Variants in DOCK10 observed in about 807,000 individuals in gnomAD.
DOCK10 encodes the protein dedicator of cytokinesis 10, also known as dedicator of cytokinesis protein 10.
DOCK10 carries 145 observed loss-of-function variants against 280.1 expected under a neutral mutation model. The ratio of observed to expected loss-of-function variants is 0.52; its 90% CI spans 0.45 to 0.59. The LOEUF (loss-of-function observed/expected upper bound fraction) is 0.59, where lower values mean the gene tolerates loss of function less well. Among genes scored for constraint, DOCK10 ranks in the 20% least tolerant of loss-of-function variants. DOCK10 has a pLI of 0.00. For missense variants in DOCK10, 2,368 were observed against 2,651.7 expected, an observed-to-expected ratio of 0.89 and a Z score of 2.35; for synonymous variants, 915 against 942.2, an observed-to-expected ratio of 0.97 and a Z score of 0.53.
intron 1 of DOCK10, among the ~76,000 whole-genome samples, chr2:224,952,979 C>A (rs991210916): frequency 6.6e-6 from 1 of 152,208 alleles, no homozygotes; most frequent in Non-Finnish European, 1.5e-5. Flanking sequence ...TGAATCTAAG[C>A]AACCGGGGGG....
Position 224,789,179 on chromosome 2 carries a change from G to A in DOCK10, c.5312-9C>T. On this transcript the variant is annotated splice_polypyrimidine_tract_variant and intron_variant, in intron 47 of 55. Coordinates refer to ENST00000258390, the MANE Select transcript of DOCK10 (RefSeq NM_014689.3). ...TCCCATAGAGAACATGCCTTGGGAG[G>A]ACCAAGCAGAATAAAACATTATTAT... 1 of 1,571,964 alleles carries A rather than the reference G, an allele frequency of 6.4e-7. No individual in the cohort carries two copies. The highest frequency in any genetic ancestry group is 1.1e-5 in the South Asian group (1 of 89,562).
intron 2 of DOCK10, among the ~76,000 whole-genome samples, chr2:224,921,102 A>ATATATATATAT (rs1559767369): frequency 1.7e-4 from 7 of 41,246 alleles, no homozygotes; most frequent in African/African-American, 9.4e-4. Flanking sequence ...TAAAAAAAAA[A>ATATATATATAT]AAAAAAAAAA....
intron 16 of DOCK10, among the ~76,000 whole-genome samples, chr2:224,854,385 A>G (rs1181334321): frequency 6.6e-6 from 1 of 152,016 alleles, no homozygotes; most frequent in African/African-American, 2.4e-5. Flanking sequence ...ACTTTTGACC[A>G]TATTCTGAAA....
intron 1 of DOCK10, among the ~76,000 whole-genome samples, chr2:224,950,852 T>A (rs1390149709): frequency 6.6e-6 from 1 of 152,212 alleles, no homozygotes; most frequent in Non-Finnish European, 1.5e-5. Context: ...TTGAAGTTCC[T>A]TTACATATGG....
intron 2 of DOCK10, among the ~76,000 whole-genome samples, chr2:224,929,689 C>T (rs10170675): frequency 1.7e-4 from 26 of 152,176 alleles, no homozygotes; most frequent in Admixed American, 4.6e-4. Context: ...TTGTCTGTTA[C>T]GCTGCCAAGA....
chr2:224,921,109 A>ATATATATATATATATATATATATATATAT (rs1559767727), intron 2 of DOCK10, among the ~76,000 whole-genome samples: 1 of 79,742 alleles, frequency 1.3e-5, no homozygotes, highest in African/African-American at 6.2e-5. Flanking sequence ...AAAAAAAAAA[A>ATATATATATATATATATATATATATATAT]AAAATATATA....
At position 224,830,592 on chromosome 2, in the gene DOCK10, T is replaced by TG. The variant is rs1340290697; in HGVS notation, c.2984dup (p.Ile996AsnfsTer12). On this transcript the variant is annotated frameshift_variant, in exon 27 of 56. Coordinates refer to ENST00000258390, the MANE Select transcript of DOCK10 (RefSeq NM_014689.3). LOFTEE classifies it high-confidence loss of function. Reference sequence around the variant, plus strand: ...GCTGTGCCATCGATTTTAGGATAATTGCAAAGAAGAACCAGGAATGCTGTT... The same window carrying TG: ...GCTGTGCCATCGATTTTAGGATAATTGGCAAAGAAGAACCAGGAATGCTGTT... 1.3e-6 allele frequency: 2 copies of TG among 1,535,652 alleles called. No homozygotes were observed. Among genetic ancestry groups the TG allele is most frequent in the Non-Finnish European group, 8.8e-7 (1 of 1,134,090 alleles).
Position 224,981,972 on chromosome 2 carries a change from G to T in DOCK10, c.124-50304C>A, listed in dbSNP as rs188458166. 7.6e-4 allele frequency among the ~76,000 whole-genome samples: 116 copies of T among 152,296 alleles called. 1 individual carries two copies. Among genetic ancestry groups the T allele is most frequent in the Non-Finnish European group, 1.4e-3 (95 of 68,018 alleles). ...AACATGCAAACCATGAGGCAGAAGAGAATTTCTGGTAGACCGAGAAGCTGT... is the reference window on the plus strand; with the variant it reads ...AACATGCAAACCATGAGGCAGAAGATAATTTCTGGTAGACCGAGAAGCTGT... On this transcript the variant is annotated intron_variant, in intron 1 of 55. Transcript: ENST00000258390.
At chr2:224,867,235 T>C (rs1036284059) in intron 11 of DOCK10, among the ~76,000 whole-genome samples, 2 of 152,232 alleles carry the variant, frequency 1.3e-5, no homozygotes, top group Admixed American at 6.5e-5. Context: ...TATTGGTAAG[T>C]AGGTCCTCCA....
At chr2:224,907,813 C>T (rs369829890) in intron 3 of DOCK10, among the ~76,000 whole-genome samples, 6 of 152,084 alleles carry the variant, frequency 3.9e-5, no homozygotes, top group African/African-American at 7.2e-5. Flanking sequence ...ATGCACATGC[C>T]GGTTCACCCA....
intron 1 of DOCK10, among the ~76,000 whole-genome samples, chr2:225,025,578 A>G (rs1291783663): frequency 6.6e-6 from 1 of 152,212 alleles, no homozygotes; most frequent in Non-Finnish European, 1.5e-5. Flanking sequence ...CTAGAATGCA[A>G]TTTTCCTCAC....
intron 1 of DOCK10, among the ~76,000 whole-genome samples, chr2:225,038,980 A>G (rs993676795): frequency 5.3e-5 from 8 of 152,202 alleles, no homozygotes; most frequent in African/African-American, 1.4e-4. Flanking sequence ...CTTTTTTTAA[A>G]AAGTCTTTTC....
intron 39 of DOCK10, 50 bp from the exon 40 acceptor site, chr2:224,802,090 C>A (rs1693056621): frequency 6.4e-7 from 1 of 1,569,908 alleles, no homozygotes; most frequent in Admixed American, 1.8e-5. Context: ...GATGTTATAG[C>A]CAAATAACAC....
At chr2:224,810,895 T>G (rs968272371) in intron 31 of DOCK10, among the ~76,000 whole-genome samples, 16 of 152,212 alleles carry the variant, frequency 1.1e-4, no homozygotes, top group African/African-American at 3.9e-4. Flanking sequence ...TGTTGGACAT[T>G]TGGGTTGGCT....
At chr2:224,789,399 A>T (rs1486114377) in intron 47 of DOCK10, among the ~76,000 whole-genome samples, 5 of 152,176 alleles carry the variant, frequency 3.3e-5, no homozygotes, top group Non-Finnish European at 7.4e-5. Context: ...AAGAAATAGC[A>T]TGGGATTATG....
chr2:224,889,273 A>T (rs144085800), intron 4 of DOCK10, among the ~76,000 whole-genome samples: 1 of 152,318 alleles, frequency 6.6e-6, no homozygotes, highest in Non-Finnish European at 1.5e-5. Context: ...GCACTCACAT[A>T]GGTGTTAAGT....
intron 1 of DOCK10, among the ~76,000 whole-genome samples, chr2:225,014,735 A>T (rs1689546157): frequency 6.6e-6 from 1 of 152,076 alleles, no homozygotes; most frequent in Admixed American, 6.5e-5. Context: ...TTAATCTCCT[A>T]ATTTCTCTGA....
chr2:224,873,924 T>C, intron 11 of DOCK10, 72 bp downstream of exon 11: 4 of 1,487,742 alleles, frequency 2.7e-6, no homozygotes, highest in African/African-American at 1.4e-5. Flanking sequence ...TTAGCAGGAA[T>C]AGAAAAGATT....
chr2:224,897,215 C>G (rs1350480205), intron 3 of DOCK10, among the ~76,000 whole-genome samples: 1 of 152,176 alleles, frequency 6.6e-6, no homozygotes, highest in Non-Finnish European at 1.5e-5. Context: ...CCTTCTAAGG[C>G]ACAGTCTTTC....
Sources: allele counts gnomAD v4.1 joint callset (sites outside exome capture counted in the v4.1 genomes callset), GRCh38; gene constraint gnomAD v4.1.1; transcripts MANE v1.5; gene names NCBI Gene and HGNC (gene_info 2026-07-23, HGNC 2026-07-21).